C5orf22: variants seen among roughly 807,000 people sequenced by gnomAD.
The protein encoded by C5orf22 is chromosome 5 open reading frame 22.
Under a neutral mutation model 48.7 loss-of-function variants are expected in C5orf22, and 36 were observed. The observed-to-expected ratio is 0.74, with a 90% CI of 0.57 to 0.98. C5orf22 has a LOEUF of 0.98. Ranked by LOEUF, C5orf22 falls within the 50% of genes least tolerant of loss-of-function variation. C5orf22 has a pLI of 0.00. For synonymous variants in C5orf22, 141 were observed against 180.8 expected, an observed-to-expected ratio of 0.78 and a Z score of 1.76; for missense variants, 486 against 521.9, an observed-to-expected ratio of 0.93 and a Z score of 0.67.
At chr5:31,538,183 A>G in intron 3 of C5orf22, 77 bp from the exon 4 acceptor site, 1 of 1,082,822 alleles carries the variant, frequency 9.2e-7, no homozygotes, top group East Asian at 2.4e-5. Context: ...GTCCGTTCTT[A>G]TATTTCTGCC....
intron 6 of C5orf22, among the ~76,000 whole-genome samples, chr5:31,545,194 G>A (rs1221454930): frequency 1.3e-5 from 2 of 151,926 alleles, no homozygotes; most frequent in Non-Finnish European, 2.9e-5. Context: ...GAATAGCTGG[G>A]ATTACAGGCA....
intron 4 of C5orf22, among the ~76,000 whole-genome samples, chr5:31,539,727 G>A (rs138829447): frequency 6.6e-6 from 1 of 151,848 alleles, no homozygotes; most frequent in East Asian, 1.9e-4. Context: ...AAAGACAGAT[G>A]TTCATCTTTT....
chr5:31,532,662 C>T (rs916009038), intron 1 of C5orf22, among the ~76,000 whole-genome samples, 189 bp downstream of exon 1: 8 of 152,068 alleles, frequency 5.3e-5, no homozygotes, highest in Admixed American at 5.2e-4. Flanking sequence ...CATTTATGGG[C>T]GCTTCCTACG....
rs199731432 is a variant in C5orf22, at chr5:31,534,297, T to C, written c.107T>C (p.Ile36Thr). 9.9e-6 allele frequency: 16 copies of C among 1,613,974 alleles called. No individual in the cohort carries two copies. Among genetic ancestry groups the C allele is most frequent in the Non-Finnish European group, 1.4e-5 (16 of 1,179,896 alleles). The change falls in exon 2 of 9, where the codon ATA (isoleucine) becomes ACA (threonine). Residue 36 changes from isoleucine to threonine, a missense_variant. By Grantham distance (89) the Ile-to-Thr change is moderately conservative (BLOSUM62 -1). Coordinates refer to ENST00000325366, the MANE Select transcript of C5orf22 (RefSeq NM_018356.3). Reference sequence around the variant, plus strand: ...GTTCTACCCTTTATATACCGGGCCATAGGCTCAAAGCATCTTCCTGCCAGT... The same window carrying C: ...GTTCTACCCTTTATATACCGGGCCACAGGCTCAAAGCATCTTCCTGCCAGT... ...QEVLPFIYRA[I>T]GSKHLPASNV...
intron 8 of C5orf22, among the ~76,000 whole-genome samples, chr5:31,552,338 T>A (rs942370553): frequency 6.6e-6 from 1 of 152,214 alleles, no homozygotes; most frequent in Admixed American, 6.5e-5. Flanking sequence ...AGAAATAGGA[T>A]CCTTTTATCA....
At chr5:31,543,640 G>GT (rs1328061556) in intron 6 of C5orf22, among the ~76,000 whole-genome samples, 3 of 152,192 alleles carry the variant, frequency 2.0e-5, no homozygotes, top group Admixed American at 6.5e-5. Flanking sequence ...ATGATTCCCT[G>GT]TTTTTTGAAA....
chr5:31,552,449 C>T lies in C5orf22; in HGVS notation c.1200-324C>T, dbSNP rs796360824. Among the ~76,000 whole-genome samples, 6 of 152,326 alleles carry T rather than the reference C, an allele frequency of 3.9e-5. No individual in the cohort carries two copies. In the South Asian group the frequency reaches 8.3e-4, roughly 21 times the overall value. ...AAGCCCCTGTATTCCCAAGCAACAT[C>T]TCACTTTCAGGCAAACAATGGTCTA... On this transcript the variant is annotated intron_variant, in intron 8 of 8. Coordinates refer to ENST00000325366, the MANE Select transcript of C5orf22 (RefSeq NM_018356.3).
Position 31,535,889 on chromosome 5 carries a change from A to G in C5orf22, c.373A>G (p.Ile125Val), listed in dbSNP as rs541046380. ...AGGCAAAGACACTTCTACCACAACA[A>G]TCAGGTAATTTCCTCATATTTGTGA... ...LVGKDTSTTT[I>V]RVTSTDHYFL... Residue 125 changes from isoleucine to valine, a missense_variant, in exon 3 of 9, where the codon ATC (isoleucine) becomes GTC (valine). By Grantham distance (29) the Ile-to-Val change is conservative (BLOSUM62 3). Transcript: ENST00000325366. 5.6e-6 allele frequency: 9 copies of G among 1,610,958 alleles called. No homozygotes were observed. The East Asian group carries it at 1.6e-4, about 28-fold the overall frequency.
In C5orf22 at chr5:31,553,100, C is replaced by T; in HGVS notation, c.*198C>T. 1 of 449,884 alleles carries T rather than the reference C, an allele frequency of 2.2e-6. No homozygotes were observed. Among genetic ancestry groups the T allele is most frequent in the Non-Finnish European group, 4.0e-6 (1 of 252,784 alleles). The allele number at this position is 449,884 out of a possible 1,614,324, so 27.9% of individuals were successfully genotyped here. A position where few individuals can be genotyped will look rare whatever the true frequency, so the allele number is the denominator to read the frequency against. On this transcript the variant is annotated 3_prime_UTR_variant, in exon 9 of 9. Transcript: ENST00000325366. The stretch of plus-strand genomic sequence containing the variant: ...TTTTTGGCATCAAGTCTCATAACCC[C>T]AACTGATAGAACTGTTGCTTATCTG...
chr5:31,543,123 A>G (rs1413635183), intron 6 of C5orf22, among the ~76,000 whole-genome samples: 1 of 152,236 alleles, frequency 6.6e-6, no homozygotes, highest in Admixed American at 6.5e-5. Context: ...TATTCAAAAT[A>G]CTCATTGTAA....
In C5orf22 at chr5:31,538,357, G is replaced by A. The variant is rs202012645; in HGVS notation, c.475G>A (p.Val159Ile). The stretch of plus-strand genomic sequence containing the variant: ...ACCTTTACAATTGGATGTAATTATG[G>A]TAAAACCTTATAAACTCTGTAACAA... ...QKPLQLDVIM[V>I]KPYKLCNNQE... The change falls in exon 4 of 9, where the codon GTA becomes ATA. Residue 159 changes from valine (V) to isoleucine (I), a missense_variant. Val to Ile is a conservative substitution (Grantham distance 29). Transcript: ENST00000325366. The A allele has an allele frequency of 2.5e-6, 4 of 1,614,118 alleles. No individual in the cohort carries two copies. Among genetic ancestry groups the A allele is most frequent in the East Asian group, 2.2e-5 (1 of 44,876 alleles).
intron 1 of C5orf22, among the ~76,000 whole-genome samples, 173 bp from the exon 2 acceptor site, chr5:31,534,099 T>G (rs1741927644): frequency 6.6e-6 from 1 of 152,184 alleles, no homozygotes; most frequent in South Asian, 2.1e-4. Context: ...AAGTAATGCT[T>G]GAGATTATCA....
At chr5:31,535,684 T>C (rs1742024730) in intron 2 of C5orf22, 60 bp from the exon 3 acceptor site, 1 of 1,376,702 alleles carries the variant, frequency 7.3e-7, no homozygotes, top group South Asian at 1.4e-5. Flanking sequence ...GTGGATAAAA[T>C]TACACTTGGG....
chr5:31,544,303 G>T (rs953852298), intron 6 of C5orf22, among the ~76,000 whole-genome samples: 1 of 152,218 alleles, frequency 6.6e-6, no homozygotes, highest in South Asian at 2.1e-4. Context: ...CATCAATGTG[G>T]CCGGGCGCGA....
intron 4 of C5orf22, 123 bp downstream of exon 4, chr5:31,538,812 TCTA>T (rs1377300706): frequency 1.4e-6 from 1 of 702,488 alleles, no homozygotes; most frequent in East Asian, 2.7e-5. Context: ...GTTCACATTC[TCTA>T]CTAATACCCT....
chr5:31,547,504 G>A (rs6450851), intron 7 of C5orf22, among the ~76,000 whole-genome samples: 1 of 152,274 alleles, frequency 6.6e-6, no homozygotes, highest in Admixed American at 6.5e-5. Flanking sequence ...TCCATGAGGG[G>A]CCTGCCCCTG....
intron 6 of C5orf22, 98 bp downstream of exon 6, chr5:31,541,500 A>T: frequency 7.5e-7 from 1 of 1,333,358 alleles, no homozygotes. Context: ...AAAAAGTAGT[A>T]TTCAGCTACT....
In C5orf22 at chr5:31,541,180, A is replaced by C. The variant is rs1742440092; in HGVS notation, c.871-101A>C. On this transcript the variant is annotated intron_variant, in intron 5 of 8. Coordinates refer to ENST00000325366, the MANE Select transcript of C5orf22 (RefSeq NM_018356.3). ...CGAAGCCCATGGTTAGTACTTGAAA[A>C]TTATGTTTTAACTAATAGAGCCAAG... 4 of 1,292,788 alleles carry C rather than the reference A, an allele frequency of 3.1e-6. No homozygotes were observed. In the South Asian group the frequency reaches 5.5e-5, roughly 18 times the overall value. The allele number at this position is 1,292,788 out of a possible 1,614,324, so 80.1% of individuals were successfully genotyped here.
chr5:31,538,142 C>T (rs10071110), intron 3 of C5orf22, 118 bp from the exon 4 acceptor site: 149,478 of 730,716 alleles, frequency 0.2, 16,375 homozygotes, highest in Admixed American at 0.27. Flanking sequence ...AGTATAAATA[C>T]TAGAGACTGC....
Sources: gnomAD v4.1 joint callset for allele counts (sites outside exome capture counted in the v4.1 genomes callset) on GRCh38, gnomAD v4.1.1 for gene constraint, MANE v1.5 for transcripts, NCBI Gene and HGNC (gene_info 2026-07-23, HGNC 2026-07-21) for gene names.